The following SLIT2 variants were observed in gnomAD, a reference collection of about 807,000 sequenced individuals.
The protein encoded by SLIT2 is slit guidance ligand 2.
Under a neutral mutation model 185.7 loss-of-function variants are expected in SLIT2, and 41 were observed. The observed-to-expected ratio is 0.22, with a 90% CI of 0.17 to 0.29. SLIT2 has a LOEUF of 0.29. Among genes scored for constraint, SLIT2 ranks in the 10% least tolerant of loss-of-function variants. SLIT2 has a pLI of 1.00. For synonymous variants in SLIT2, 693 were observed against 680.2 expected (o/e 1.02, Z -0.29); for missense variants, 1,571 against 1,909.0 (o/e 0.82, Z 3.30).
intron 4 of SLIT2, among the ~76,000 whole-genome samples, chr4:20,398,013 T>C (rs1398587469): frequency 1.3e-5 from 2 of 151,900 alleles, no homozygotes; most frequent in African/African-American, 4.8e-5. Flanking sequence ...ATTTCAGTTT[T>C]TATATATTAT....
chr4:20,308,278 T>A (rs563547822), intron 4 of SLIT2, among the ~76,000 whole-genome samples: 23 of 152,158 alleles, frequency 1.5e-4, no homozygotes, highest in Non-Finnish European at 3.1e-4. Context: ...TGGGAATTTG[T>A]GTACATGGTA....
At chr4:20,549,204 C>T in intron 24 of SLIT2, 76 bp downstream of exon 24, 1 of 798,118 alleles carries the variant, frequency 1.3e-6, no homozygotes, top group East Asian at 2.5e-5. Flanking sequence ...AAGGATGTAA[C>T]TGCTTTGTTG....
At chr4:20,416,184 G>C (rs1727668067) in intron 4 of SLIT2, among the ~76,000 whole-genome samples, 2 of 152,124 alleles carry the variant, frequency 1.3e-5, no homozygotes, top group South Asian at 4.1e-4. Context: ...AAATACCACA[G>C]ACTGGGAAGC....
intron 12 of SLIT2, among the ~76,000 whole-genome samples, chr4:20,522,458 A>G: frequency 6.6e-6 from 1 of 152,218 alleles, no homozygotes; most frequent in Non-Finnish European, 1.5e-5. Flanking sequence ...GGTCTGCATA[A>G]AACAGTTGAC....
At chr4:20,376,773 A>G (rs1456467051) in intron 4 of SLIT2, among the ~76,000 whole-genome samples, 1 of 152,154 alleles carries the variant, frequency 6.6e-6, no homozygotes, top group African/African-American at 2.4e-5. Flanking sequence ...TGTCACAAGG[A>G]CAGAAAACCA....
intron 4 of SLIT2, among the ~76,000 whole-genome samples, chr4:20,444,021 A>G (rs1729966913): frequency 6.6e-6 from 1 of 152,186 alleles, no homozygotes; most frequent in South Asian, 2.1e-4. Flanking sequence ...AGGGGTATGT[A>G]TTAATATGCA....
Position 20,524,094 on chromosome 4 carries a change from C to G in SLIT2, c.1355C>G (p.Thr452Ser). The part of the protein sequence containing the change: ...ADYLHTNPIE[T>S]SGARCTSPRR... ...TATCTCCATACCAACCCGATTGAGA[C>G]CAGTGGTGCCCGTTGCACCAGCCCC... The change falls in exon 14 of 37, where the codon ACC becomes AGC. Residue 452 changes from threonine (T) to serine (S), a missense_variant. This residue lies in a region of SLIT2 where 1,202 missense variants were observed against 1,416.4 expected (regional missense o/e 0.85). Coordinates refer to ENST00000504154, the MANE Select transcript of SLIT2 (RefSeq NM_004787.4). The G allele has an allele frequency of 6.2e-7, 1 of 1,614,060 alleles. No individual in the cohort carries two copies. Among genetic ancestry groups the G allele is most frequent in the Non-Finnish European group, 8.5e-7 (1 of 1,179,948 alleles).
chr4:20,408,631 A>G (rs530846902), intron 4 of SLIT2, among the ~76,000 whole-genome samples: 2 of 152,184 alleles, frequency 1.3e-5, no homozygotes, highest in African/African-American at 4.8e-5. Context: ...CTGGATTATA[A>G]GTTACTTTGG....
rs1711588336 is a variant in SLIT2, at chr4:20,254,758, G to A, written c.179+764G>A. 6.6e-6 allele frequency among the ~76,000 whole-genome samples: 1 copy of A among 152,118 alleles called. No individual in the cohort carries two copies. On this transcript the variant is annotated intron_variant, in intron 1 of 36. Coordinates refer to ENST00000504154, the MANE Select transcript of SLIT2 (RefSeq NM_004787.4). This position sits in a 1 kb window ranked among gnomAD's most constrained non-coding sequence, Gnocchi z 5.1. ...CAGCCCAACCAGGTCTTACCACTGC[G>A]GCGACCCGGCGGTGCCCGGCTGCCC...
chr4:20,533,762 G>A (rs1408912344), intron 18 of SLIT2, 47 bp downstream of exon 18: 8 of 1,553,972 alleles, frequency 5.1e-6, no homozygotes, highest in Non-Finnish European at 6.2e-6. Flanking sequence ...AAGGATTGCA[G>A]CTCATTGTTC....
intron 9 of SLIT2, among the ~76,000 whole-genome samples, chr4:20,492,195 G>T (rs1717845065): frequency 6.6e-6 from 1 of 152,182 alleles, no homozygotes; most frequent in Admixed American, 6.5e-5. Context: ...ATCTGTGGTT[G>T]TCCATTTCTC....
chr4:20,567,374 A>G lies in SLIT2; in HGVS notation c.2838A>G (p.Pro946=), dbSNP rs751477249. The G allele has an allele frequency of 1.4e-5, 23 of 1,613,164 alleles. No homozygotes were observed. Among genetic ancestry groups the G allele is most frequent in the Non-Finnish European group, 1.8e-5 (21 of 1,179,450 alleles). Residue 946 remains proline, a synonymous_variant, in exon 27 of 37, where the codon CCA becomes CCG. Coordinates refer to ENST00000504154, the MANE Select transcript of SLIT2 (RefSeq NM_004787.4). ...TTGACTTTTACCGATGCACCTGTCC[A>G]TATGGTTTCAAGGTAAGTAAAAGCA... ...DPVDFYRCTC[P]YGFKGQDCDV...
intron 36 of SLIT2, among the ~76,000 whole-genome samples, chr4:20,617,889 G>C (rs1321672818): frequency 2.0e-5 from 3 of 152,148 alleles, no homozygotes; most frequent in Non-Finnish European, 2.9e-5. Context: ...TCCACCGCAA[G>C]ATTGTATACA....
intron 29 of SLIT2, chr4:20,573,363 AC>A (rs1725788813): frequency 1.4e-6 from 1 of 692,678 alleles, no homozygotes; most frequent in African/African-American, 1.8e-5. Flanking sequence ...AGGAATGTTG[AC>A]AAAATATAAA....
rs143964894 is a variant in SLIT2 at position 20,283,120 on chromosome 4, G to GCGCGCACACACACA, written c.395+14240_395+14241insGCGCACACACACAC. On this transcript the variant is annotated intron_variant, in intron 4 of 36. Transcript: ENST00000504154. ...TGCCTGTGTGCCTGTGTGCGCGCGCGCACACACACACACACACACACACAA... is the reference window on the plus strand; with the variant it reads ...TGCCTGTGTGCCTGTGTGCGCGCGCGCGCGCACACACACACACACACACACACACACACACACAA... Among the ~76,000 whole-genome samples, 23 of 149,958 alleles carry GCGCGCACACACACA rather than the reference G, an allele frequency of 1.5e-4. No individual in the cohort carries two copies. In the East Asian group the frequency reaches 1.6e-3, roughly 11 times the overall value.
chr4:20,433,299 A>C (rs961194249), intron 4 of SLIT2, among the ~76,000 whole-genome samples: 4 of 152,220 alleles, frequency 2.6e-5, no homozygotes, highest in African/African-American at 9.6e-5. Context: ...TTCATTATCT[A>C]TCTGTGGGTG....
chr4:20,338,656 A>G (rs1720708835), intron 4 of SLIT2, among the ~76,000 whole-genome samples: 1 of 152,208 alleles, frequency 6.6e-6, no homozygotes, highest in Admixed American at 6.5e-5. Flanking sequence ...TCATGAGTCT[A>G]CTGTCAGAAC....
rs185899470 is a variant in SLIT2 at position 20,413,866 on chromosome 4, C to T, written c.396-53886C>T. 1.4e-4 allele frequency among the ~76,000 whole-genome samples: 21 copies of T among 151,906 alleles called. No individual in the cohort carries two copies. The East Asian group carries it at 4.1e-3, about 29-fold the overall frequency. On this transcript the variant is annotated intron_variant, in intron 4 of 36. Coordinates refer to ENST00000504154, the MANE Select transcript of SLIT2 (RefSeq NM_004787.4). ...CATGTTTTTGTTTTGTTTTTCCATTCTGTGAAGCTCTGCCTTTTGATTTCA... is the reference window on the plus strand; with the variant it reads ...CATGTTTTTGTTTTGTTTTTCCATTTTGTGAAGCTCTGCCTTTTGATTTCA...
chr4:20,450,707 G>A (rs71613270), intron 4 of SLIT2, among the ~76,000 whole-genome samples: 93 of 152,200 alleles, frequency 6.1e-4, no homozygotes, highest in Non-Finnish European at 1.2e-3. Context: ...CAGCTTTTCT[G>A]TGAGTCAAAA....
Sources: allele counts gnomAD v4.1 joint callset (sites outside exome capture counted in the v4.1 genomes callset), GRCh38; gene constraint gnomAD v4.1.1; regional missense constraint gnomAD v4.1.1; non-coding constraint Gnocchi (gnomAD v3.1); transcripts MANE v1.5; gene names NCBI Gene and HGNC (gene_info 2026-07-23, HGNC 2026-07-21).